Variants in CFAP61 observed in about 807,000 individuals in gnomAD.
CFAP61 encodes the protein cilia and flagella associated protein 61.
Under a neutral mutation model 135.6 loss-of-function variants are expected in CFAP61, and 107 were observed. The ratio of observed to expected loss-of-function variants is 0.79; its 90% CI spans 0.67 to 0.93. The LOEUF is 0.93. CFAP61 is among the 40% of genes least tolerant of loss of function. The pLI is 0.00. For synonymous variants in CFAP61, 575 were observed against 578.5 expected (o/e 0.99, Z 0.09); for missense variants, 1,507 against 1,556.2 (o/e 0.97, Z 0.53).
intron 4 of CFAP61, 81 bp from the exon 5 acceptor site, chr20:20,075,108 G>T: frequency 1.5e-6 from 2 of 1,314,934 alleles, no homozygotes; most frequent in Non-Finnish European, 2.2e-6. Flanking sequence ...CCTTTTTAGT[G>T]ACAGCATTTG....
intron 15 of CFAP61, among the ~76,000 whole-genome samples, chr20:20,195,978 G>A (rs1042088875): frequency 1.3e-5 from 2 of 152,182 alleles, no homozygotes; most frequent in African/African-American, 4.8e-5. Context: ...CTACTTGGGA[G>A]GCTGAGGTGG....
intron 8 of CFAP61, among the ~76,000 whole-genome samples, chr20:20,141,981 C>G (rs2051437561): frequency 6.6e-6 from 1 of 152,126 alleles, no homozygotes; most frequent in South Asian, 2.1e-4. Context: ...TGAGCTGAGT[C>G]CCAAAGGCTG....
chr20:20,258,756 G>A (rs2051882707), intron 20 of CFAP61, among the ~76,000 whole-genome samples: 1 of 152,218 alleles, frequency 6.6e-6, no homozygotes, highest in Non-Finnish European at 1.5e-5. Flanking sequence ...CAAAGCGGGA[G>A]AGCACCTGAC....
At chr20:20,118,058 T>C (rs1297764819) in intron 8 of CFAP61, among the ~76,000 whole-genome samples, 2 of 152,140 alleles carry the variant, frequency 1.3e-5, no homozygotes, top group East Asian at 3.9e-4. Context: ...CATCTTCCTT[T>C]TCAATTTGGA....
chr20:20,350,952 T>C (rs899879640), intron 26 of CFAP61, among the ~76,000 whole-genome samples: 27 of 152,270 alleles, frequency 1.8e-4, no homozygotes, highest in African/African-American at 6.0e-4. Context: ...AAAAGGAATG[T>C]TCCTGAACAC....
chr20:20,105,358 C>T (rs1947630875), intron 8 of CFAP61, among the ~76,000 whole-genome samples: 1 of 152,098 alleles, frequency 6.6e-6, no homozygotes, highest in Admixed American at 6.5e-5. Flanking sequence ...CCCATTATAG[C>T]TCTCACTCAG....
intron 8 of CFAP61, among the ~76,000 whole-genome samples, chr20:20,133,199 A>C (rs962055720): frequency 5.3e-5 from 8 of 152,242 alleles, no homozygotes; most frequent in Admixed American, 4.6e-4. Flanking sequence ...CGTTGCCACA[A>C]TAATGCTACT....
intron 13 of CFAP61, among the ~76,000 whole-genome samples, chr20:20,169,782 T>A (rs2054092887): frequency 6.6e-6 from 1 of 152,216 alleles, no homozygotes; most frequent in Non-Finnish European, 1.5e-5. Context: ...GATCTTTGTA[T>A]GTGAGTGTGT....
At chr20:20,151,601 C>T (rs1000203744) in intron 9 of CFAP61, among the ~76,000 whole-genome samples, 8 of 151,744 alleles carry the variant, frequency 5.3e-5, no homozygotes, top group East Asian at 1.9e-4. Context: ...CCGAGGTGAG[C>T]GGATCACGAG....
chr20:20,312,543 A>T (rs1343229633), intron 25 of CFAP61, among the ~76,000 whole-genome samples: 1 of 152,234 alleles, frequency 6.6e-6, no homozygotes, highest in Admixed American at 6.5e-5. Flanking sequence ...GGCCTAAAGA[A>T]ATAACGACCA....
At chr20:20,282,720 CTT>C (rs1401117959) in intron 22 of CFAP61, among the ~76,000 whole-genome samples, 1 of 152,166 alleles carries the variant, frequency 6.6e-6, no homozygotes, top group African/African-American at 2.4e-5. Context: ...GGGCAGATCA[CTT>C]GAGGTCAGGA....
At chr20:20,273,569 A>T (rs1337573571) in intron 21 of CFAP61, among the ~76,000 whole-genome samples, 3 of 152,254 alleles carry the variant, frequency 2.0e-5, no homozygotes, top group Non-Finnish European at 4.4e-5. Context: ...AAGTCTTAGG[A>T]TCAGCAATCT....
rs559986929 is a variant in CFAP61 at position 20,076,383 on chromosome 20, G to A, written c.566+768G>A. Among the ~76,000 whole-genome samples, 90 of 152,278 alleles carry A rather than the reference G, an allele frequency of 5.9e-4. No homozygotes were observed. In the South Asian group the frequency reaches 0.018, roughly 30 times the overall value. On this transcript the variant is annotated intron_variant, in intron 6 of 26. Transcript: ENST00000245957. ...GGTTGACAGCCCCAGCTGGGCTCCC[G>A]CTGACAGTTAGCTTCCACTGCCTGT...
intron 18 of CFAP61, 108 bp downstream of exon 18, chr20:20,228,484 C>T (rs2048899357): frequency 2.2e-6 from 2 of 889,066 alleles, no homozygotes; most frequent in Admixed American, 4.0e-5. Flanking sequence ...GTTTGGTACT[C>T]CACACACCCT....
At chr20:20,225,430 G>C (rs2048673779) in intron 17 of CFAP61, 1 of 152,156 alleles carries the variant, frequency 6.6e-6, no homozygotes, top group Non-Finnish European at 1.5e-5. Flanking sequence ...GCCTGCTCTT[G>C]ACACCGGAGG....
intron 19 of CFAP61, among the ~76,000 whole-genome samples, chr20:20,247,689 T>C (rs926656209): frequency 6.6e-6 from 1 of 152,214 alleles, no homozygotes; most frequent in African/African-American, 2.4e-5. Context: ...GCCTAAACTC[T>C]GTCTCCATCT....
At chr20:20,131,526 T>C (rs369559855) in intron 8 of CFAP61, among the ~76,000 whole-genome samples, 4 of 152,256 alleles carry the variant, frequency 2.6e-5, no homozygotes, top group African/African-American at 9.6e-5. Flanking sequence ...TCATTTTCTC[T>C]TCTTAAACAG....
At chr20:20,185,284 T>G (rs984904122) in intron 13 of CFAP61, among the ~76,000 whole-genome samples, 2 of 152,180 alleles carry the variant, frequency 1.3e-5, no homozygotes, top group Non-Finnish European at 2.9e-5. Flanking sequence ...GACTTAACAT[T>G]TGATAAGCAT....
chr20:20,323,338 C>T, intron 25 of CFAP61: 1 of 982,902 alleles, frequency 1.0e-6, no homozygotes, highest in Non-Finnish European at 1.2e-6. Flanking sequence ...CAGACAGTCC[C>T]CTACTTTCAA....
Sources: allele counts gnomAD v4.1 joint callset (sites outside exome capture counted in the v4.1 genomes callset), GRCh38; gene constraint gnomAD v4.1.1; transcripts MANE v1.5; gene names NCBI Gene and HGNC (gene_info 2026-07-23, HGNC 2026-07-21).